GPHN: variants seen among roughly 807,000 people sequenced by gnomAD.
The protein encoded by GPHN is gephyrin.
A neutral mutation model predicts 95.5 loss-of-function variants in GPHN; 17 were observed. That is an observed-to-expected ratio of 0.18 (90% confidence interval 0.12 to 0.27). The LOEUF (loss-of-function observed/expected upper bound fraction) is 0.27. GPHN is among the 10% of genes least tolerant of loss of function. The pLI is 1.00. For synonymous variants in GPHN, 320 were observed against 322.5 expected, an observed-to-expected ratio of 0.99 and a Z score of 0.08; for missense variants, 660 against 978.1, an observed-to-expected ratio of 0.67 and a Z score of 4.34.
chr14:66,592,952 T>G (rs1300054271), intron 1 of GPHN, among the ~76,000 whole-genome samples: 1 of 152,322 alleles, frequency 6.6e-6, no homozygotes, highest in East Asian at 1.9e-4. Context: ...ATGTACATCA[T>G]GGAATACTAT....
chr14:67,322,127 C>T, the GPHN span, among the ~76,000 whole-genome samples: 1 of 152,084 alleles, frequency 6.6e-6, no homozygotes, highest in Non-Finnish European at 1.5e-5. Context: ...GGGTGGATCA[C>T]TTGAGTTCAG....
the GPHN span, chr14:67,227,561 A>ATT: frequency 2.6e-5 from 4 of 152,112 alleles, no homozygotes; most frequent in African/African-American, 9.7e-5. Context: ...ACTAATACAG[A>ATT]CTTCATATTA....
Position 67,110,152 on chromosome 14 carries a change from G to A in GPHN, c.1306G>A (p.Val436Ile), listed in dbSNP as rs1432596336. The A allele has an allele frequency of 1.9e-6, 3 of 1,613,050 alleles. No individual in the cohort carries two copies. The highest frequency in any genetic ancestry group is 1.1e-5 in the South Asian group (1 of 91,074). The change falls in exon 14 of 23, where the codon GTA becomes ATA. Residue 436 changes from valine to isoleucine, a missense_variant. Around this residue, in one of 6 missense-constraint regions of GPHN, gnomAD observed 257 missense variants for 376.2 expected, o/e 0.68. Transcript: ENST00000478722. ...TCTTTATTTCCAGCCAACTCAGACA[G>A]TAATGCCAGGACAAGTCATGCGGGT... ...SQAGEQPTQTVMPGQVMRVTT... is the reference protein window; with the variant it reads ...SQAGEQPTQTIMPGQVMRVTT...
At chr14:67,270,643 T>G in the GPHN span, 1 of 151,996 alleles carries the variant, frequency 6.6e-6, no homozygotes, top group African/African-American at 2.4e-5. Flanking sequence ...CTGGGAGGAC[T>G]TTTTCACTTT....
At chr14:67,237,653 T>G in the GPHN span, among the ~76,000 whole-genome samples, 1 of 152,148 alleles carries the variant, frequency 6.6e-6, no homozygotes, top group Admixed American at 6.5e-5. Context: ...TAGTGTGGTA[T>G]TTTATTACAT....
chr14:67,150,016 C>T (rs1344890558), intron 18 of GPHN, among the ~76,000 whole-genome samples: 1 of 152,056 alleles, frequency 6.6e-6, no homozygotes, highest in African/African-American at 2.4e-5. Context: ...TGCTCTAATA[C>T]TCTATCTTAG....
intron 5 of GPHN, among the ~76,000 whole-genome samples, chr14:66,890,854 T>G (rs962254296): frequency 1.3e-5 from 2 of 151,172 alleles, no homozygotes; most frequent in Non-Finnish European, 2.9e-5. Context: ...CATCAATGGG[T>G]GCTGAAAAAA....
At chr14:67,330,584 G>A in the GPHN span, among the ~76,000 whole-genome samples, 3 of 150,116 alleles carry the variant, frequency 2.0e-5, no homozygotes, top group East Asian at 4.0e-4. Context: ...TCAGCCTCCC[G>A]AGTAGCTGGG....
chr14:66,627,233 C>T (rs563468219), intron 1 of GPHN, among the ~76,000 whole-genome samples: 1 of 151,936 alleles, frequency 6.6e-6, no homozygotes, highest in Non-Finnish European at 1.5e-5. Flanking sequence ...CAGTAGTAAC[C>T]CTTATTCTGA....
intron 2 of GPHN, among the ~76,000 whole-genome samples, chr14:66,750,401 T>G (rs2058323390): frequency 6.6e-6 from 1 of 151,904 alleles, no homozygotes; most frequent in Non-Finnish European, 1.5e-5. Context: ...AAAATCAGAC[T>G]TATAATTGTA....
At chr14:66,745,010 TTAAGACA>T (rs2058083312) in intron 2 of GPHN, among the ~76,000 whole-genome samples, 1 of 152,236 alleles carries the variant, frequency 6.6e-6, no homozygotes, top group South Asian at 2.1e-4. Flanking sequence ...AGAAGGCCAT[TTAAGACA>T]AACGTGCCTT....
chr14:67,635,138 G>A, the GPHN span, among the ~76,000 whole-genome samples: 2 of 152,148 alleles, frequency 1.3e-5, no homozygotes, highest in Admixed American at 1.3e-4. Flanking sequence ...CAGCTACTCT[G>A]GAGGCTGATA....
At chr14:66,700,710 G>A (rs2068475323) in intron 2 of GPHN, among the ~76,000 whole-genome samples, 1 of 152,072 alleles carries the variant, frequency 6.6e-6, no homozygotes, top group African/African-American at 2.4e-5. Context: ...GGATCATGAG[G>A]TCAAGAGATC....
chr14:66,872,072 A>G (rs1417620851), intron 4 of GPHN, among the ~76,000 whole-genome samples: 1 of 152,240 alleles, frequency 6.6e-6, no homozygotes, highest in Non-Finnish European at 1.5e-5. Context: ...TGTACCAGTA[A>G]ATTGCATCAA....
intron 11 of GPHN, among the ~76,000 whole-genome samples, chr14:67,066,760 C>A (rs1288605681): frequency 6.6e-6 from 1 of 152,080 alleles, no homozygotes. Context: ...AGTTCTCGTG[C>A]CTTGGTTTTC....
At chr14:66,973,767 A>AAAAAG in intron 9 of GPHN, among the ~76,000 whole-genome samples, 1 of 152,306 alleles carries the variant, frequency 6.6e-6, no homozygotes, top group East Asian at 1.9e-4. Context: ...CAAAAAACAA[A>AAAAAG]AAAAGAAAAG....
the GPHN span, among the ~76,000 whole-genome samples, chr14:67,399,849 G>A: frequency 2.6e-5 from 4 of 152,212 alleles, no homozygotes; most frequent in African/African-American, 9.6e-5. Flanking sequence ...TCAGTGGATG[G>A]GGAAATGTCT....
the GPHN span, among the ~76,000 whole-genome samples, chr14:67,400,576 T>A: frequency 6.6e-6 from 1 of 152,114 alleles, no homozygotes; most frequent in Non-Finnish European, 1.5e-5. Flanking sequence ...GACATCTGGG[T>A]GCTTCTGAAT....
intron 2 of GPHN, among the ~76,000 whole-genome samples, chr14:66,754,830 CT>C (rs1026107982): frequency 2.0e-5 from 3 of 151,850 alleles, no homozygotes; most frequent in Admixed American, 2.0e-4. Flanking sequence ...GGAATGTGAA[CT>C]TTACTAAGAA....
Sources: allele counts gnomAD v4.1 joint callset (sites outside exome capture counted in the v4.1 genomes callset), GRCh38; gene constraint gnomAD v4.1.1; regional missense constraint gnomAD v4.1.1; transcripts MANE v1.5; gene names NCBI Gene and HGNC (gene_info 2026-07-23, HGNC 2026-07-21).